Variants in ARHGAP30 observed in about 807,000 individuals in gnomAD.
The protein encoded by ARHGAP30 is Rho GTPase activating protein 30.
A neutral mutation model predicts 72.0 loss-of-function variants in ARHGAP30; 23 were observed. That is an observed-to-expected ratio of 0.32 (90% CI 0.23 to 0.45). ARHGAP30 has a LOEUF of 0.45. Ranked by LOEUF, ARHGAP30 falls within the 20% of genes least tolerant of loss-of-function variation. ARHGAP30 has a pLI of 1.00. For synonymous variants in ARHGAP30, 576 were observed against 528.2 expected, an observed-to-expected ratio of 1.09 and a Z score of -1.24; for missense variants, 1,319 against 1,383.4, an observed-to-expected ratio of 0.95 and a Z score of 0.74.
Position 161,059,628 on chromosome 1 carries a change from G to A in ARHGAP30, c.186C>T (p.Asn62=), listed in dbSNP as rs1652170985. The change falls in exon 2 of 12, where the codon AAC becomes AAT. Residue 62 remains asparagine, a synonymous_variant. Coordinates refer to ENST00000368013, the MANE Select transcript of ARHGAP30 (RefSeq NM_001025598.2). ...GTTTGACTCACCGAAGCTTCTGGAT[G>A]TTGGAGGAGACCCCTGAGAGGCGGT... The part of the protein sequence containing the change: ...GIYRLSGVSS[N]IQKLRQEFES... 12 of 1,613,120 alleles carry A rather than the reference G, an allele frequency of 7.4e-6. No homozygotes were observed. The highest frequency in any genetic ancestry group is 8.5e-6 in the Non-Finnish European group (10 of 1,179,460).
Position 161,048,733 on chromosome 1 carries a change from A to C in ARHGAP30, c.2288T>G (p.Val763Gly), listed in dbSNP as rs1470868382. ...EEDEQREEAQ[V>G]EAGRDLEQGA... ...TTGCTCTAGGTCCCTTCCAGCTTCT[A>C]CCTGGGCTTCCTCTCTTTGTTCATC... is the stretch of plus-strand genomic sequence containing the variant. Residue 763 changes from valine (V) to glycine (G), a missense_variant, in exon 12 of 12, where the codon GTA becomes GGA. Physicochemically the swap from Val to Gly is moderately radical, Grantham distance 109 (BLOSUM62 -3). Transcript: ENST00000368013. 2.5e-6 allele frequency: 4 copies of C among 1,613,410 alleles called. No homozygotes were observed. In the African/African-American group the frequency reaches 4.0e-5, roughly 16 times the overall value.
rs150898288 is a variant in ARHGAP30 at position 161,047,863 on chromosome 1, G to C, written c.3158C>G (p.Pro1053Arg). 6.2e-7 allele frequency: 1 copy of C among 1,611,614 alleles called. No individual in the cohort carries two copies. The highest frequency in any genetic ancestry group is 1.7e-5 in the Admixed American group (1 of 59,486). Residue 1053 changes from proline to arginine, a missense_variant, in exon 12 of 12, where the codon CCA becomes CGA. Physicochemically the swap from Pro to Arg is moderately radical, Grantham distance 103. Around this residue, in one of 2 missense-constraint regions of ARHGAP30, gnomAD observed 1,097 missense variants for 1,045.2 expected, o/e 1.05. Coordinates refer to ENST00000368013, the MANE Select transcript of ARHGAP30 (RefSeq NM_001025598.2). ...TCCAGACCCTTCTGCACCTTCAGATGGGAGCTCCAGGCAGCTAAGGGGCCG... is the reference window on the plus strand; with the variant it reads ...TCCAGACCCTTCTGCACCTTCAGATCGGAGCTCCAGGCAGCTAAGGGGCCG... Reference protein sequence around the residue: ...SPRPLSCLELPSEGAEGSGSR... With the variant: ...SPRPLSCLELRSEGAEGSGSR...
At chr1:161,064,821 AAGAAAGAAAGAGAAAG>A (rs1652610113) in intron 1 of ARHGAP30, among the ~76,000 whole-genome samples, 1 of 71,080 alleles carries the variant, frequency 1.4e-5, no homozygotes, top group Non-Finnish European at 2.8e-5. Context: ...GAAAGAAAGA[AAGAAAGAAAGAGAAAG>A]AAAGAAAGAA....
intron 9 of ARHGAP30, 139 bp downstream of exon 9, chr1:161,052,147 T>C: frequency 1.1e-6 from 1 of 878,332 alleles, no homozygotes; most frequent in Non-Finnish European, 1.8e-6. Context: ...CAGCTACATT[T>C]ACAATGTGGC....
At chr1:161,062,808 C>T (rs1652416845) in intron 1 of ARHGAP30, among the ~76,000 whole-genome samples, 1 of 151,760 alleles carries the variant, frequency 6.6e-6, no homozygotes, top group Non-Finnish European at 1.5e-5. Flanking sequence ...TATAATTCGC[C>T]ACAGTCTTTG....
chr1:161,063,808 C>G (rs570861989), intron 1 of ARHGAP30, among the ~76,000 whole-genome samples: 53 of 152,268 alleles, frequency 3.5e-4, no homozygotes, highest in East Asian at 3.3e-3. Context: ...GAACGCCCCC[C>G]CCACCGGGGC....
intron 1 of ARHGAP30, among the ~76,000 whole-genome samples, chr1:161,067,691 G>C (rs1571131265): frequency 1.3e-5 from 2 of 152,334 alleles, no homozygotes; most frequent in Non-Finnish European, 2.9e-5. Context: ...AAGAGCTGGA[G>C]AGAGGGCTGA....
chr1:161,056,130 G>A (rs1435236404), intron 3 of ARHGAP30, among the ~76,000 whole-genome samples: 2 of 152,042 alleles, frequency 1.3e-5, no homozygotes, highest in South Asian at 2.1e-4. Flanking sequence ...TCACCACTGT[G>A]CTGTGTGCAA....
intron 1 of ARHGAP30, among the ~76,000 whole-genome samples, chr1:161,064,833 GAAA>G (rs1652626826): frequency 6.0e-5 from 4 of 66,912 alleles, no homozygotes; most frequent in African/African-American, 1.1e-4. Context: ...GAAAGAAAGA[GAAA>G]GAAAGAAAGA....
At position 161,048,525 on chromosome 1, in the gene ARHGAP30, C is replaced by T; in HGVS notation, c.2496G>A (p.Gly832=). ...CACTCTCCCGTTCCTTGCTGACCTC[C>T]CCTGCTCCTCCTTCAGTTGCTGCTT... ...SPEAATEGGA[G]EVSKERESGD... is the part of the protein sequence containing the mutation. Residue 832 remains glycine (G), a synonymous_variant, in exon 12 of 12, where the codon GGG becomes GGA. Coordinates refer to ENST00000368013, the MANE Select transcript of ARHGAP30 (RefSeq NM_001025598.2). The T allele has an allele frequency of 6.2e-7, 1 of 1,614,144 alleles. No homozygotes were observed. The highest frequency in any genetic ancestry group is 8.5e-7 in the Non-Finnish European group (1 of 1,180,026).
intron 2 of ARHGAP30, among the ~76,000 whole-genome samples, chr1:161,059,332 GTTT>G (rs1041197985): frequency 9.8e-6 from 1 of 102,158 alleles, no homozygotes; most frequent in Admixed American, 9.9e-5. Context: ...CCTGGCTCAA[GTTT>G]TTTTTTTTTT....
Position 161,050,639 on chromosome 1 carries a change from G to GT in ARHGAP30, c.1420+674dup, listed in dbSNP as rs796144648. Among the ~76,000 whole-genome samples the GT allele has an allele frequency of 3.8e-3, 516 of 135,738 alleles. 2 individuals carry two copies. The highest frequency in any genetic ancestry group is 4.5e-3 in the Non-Finnish European group (273 of 60,948). The allele number at this position is 135,738 out of a possible 152,430, so 89.0% of individuals were successfully genotyped here. A position where few individuals can be genotyped will look rare whatever the true frequency, so the allele number is the denominator to read the frequency against. ...CTTGGTACTTAATAAACTGTTTTTT[G>GT]TTTTTTTTTTTTTAATTTGAGACAG... On this transcript the variant is annotated intron_variant, in intron 10 of 11. Coordinates refer to ENST00000368013, the MANE Select transcript of ARHGAP30 (RefSeq NM_001025598.2).
At chr1:161,055,806 A>G (rs1651779109) in intron 3 of ARHGAP30, among the ~76,000 whole-genome samples, 1 of 47,542 alleles carries the variant, frequency 2.1e-5, no homozygotes, top group Non-Finnish European at 4.5e-5. Context: ...AAATAAAATA[A>G]TAAAATAAAA....
chr1:161,052,543 C>T lies in ARHGAP30; in HGVS notation c.837G>A (p.Lys279=), dbSNP rs1651485682. 1 of 1,613,882 alleles carries T rather than the reference C, an allele frequency of 6.2e-7. No individual in the cohort carries two copies. Among genetic ancestry groups the T allele is most frequent in the African/African-American group, 1.3e-5 (1 of 74,902 alleles). Residue 279 remains lysine (K), a splice_region_variant and synonymous_variant, in exon 8 of 12, where the codon AAG becomes AAA. Transcript: ENST00000368013. The part of the protein sequence containing the change: ...YHTIIEIAEH[K]RKGSLKVRKW... Reference sequence around the variant, plus strand: ...TCCTGACCTTCAAAGACCCCTTCCTCCTACAAAGAATGGAGGGGCATAATT... The same window carrying T: ...TCCTGACCTTCAAAGACCCCTTCCTTCTACAAAGAATGGAGGGGCATAATT...
chr1:161,047,600 A>C lies in ARHGAP30; in HGVS notation c.*115T>G, dbSNP rs1029111918. 1.6e-5 allele frequency: 19 copies of C among 1,178,230 alleles called. No individual in the cohort carries two copies. Among genetic ancestry groups the C allele is most frequent in the Non-Finnish European group, 1.9e-5 (17 of 877,352 alleles). 73.0% of individuals were successfully genotyped at this position (1,178,230 alleles called of 1,614,324 possible). ...GTCAAAGAGAGAAGCTGGAGGGCCA[A>C]AGCCTATAGAGTTGGGCACTACAGC... On this transcript the variant is annotated 3_prime_UTR_variant, in exon 12 of 12. Transcript: ENST00000368013.
At chr1:161,050,038 C>T (rs1651234755) in intron 10 of ARHGAP30, among the ~76,000 whole-genome samples, 1 of 152,110 alleles carries the variant, frequency 6.6e-6, no homozygotes, top group Admixed American at 6.5e-5. Flanking sequence ...AAAATTTGAA[C>T]CCAAGTCTAC....
At chr1:161,055,788 TTAAAATAAAATAAAATAATAAAATAAA>T (rs1651773602) in intron 3 of ARHGAP30, among the ~76,000 whole-genome samples, 2 of 115,356 alleles carry the variant, frequency 1.7e-5, no homozygotes, top group Admixed American at 8.5e-5. Flanking sequence ...CATCTTAAAA[TTAAAATAAAATAAAATAATAAAATAAA>T]ATAAAATAAA....
chr1:161,063,852 G>A (rs1652496504), intron 1 of ARHGAP30, among the ~76,000 whole-genome samples: 2 of 152,196 alleles, frequency 1.3e-5, no homozygotes, highest in Admixed American at 1.3e-4. Context: ...TTGCAGAGGT[G>A]AAATAAACTC....
rs772832587 is a variant in ARHGAP30, at chr1:161,049,222, A to G, written c.1799T>C (p.Val600Ala). The change falls in exon 12 of 12, where the codon GTT becomes GCT. Residue 600 changes from valine (V) to alanine (A), a missense_variant. Val to Ala is a moderately conservative substitution (Grantham distance 64, BLOSUM62 0). This residue lies in a region of ARHGAP30 where 1,097 missense variants were observed against 1,045.2 expected (regional missense o/e 1.05). Coordinates refer to ENST00000368013, the MANE Select transcript of ARHGAP30 (RefSeq NM_001025598.2). ...AACTTCCTCCCCATTTTCCTCCTCA[A>G]CTTCAGGCCTGGGGCCAGCGGAGTC... ...SLDSAGPRPE[V>A]EEENGEEVFL... is the part of the protein sequence containing the mutation. 2 of 1,614,000 alleles carry G rather than the reference A, an allele frequency of 1.2e-6. No individual in the cohort carries two copies. The highest frequency in any genetic ancestry group is 8.5e-7 in the Non-Finnish European group (1 of 1,179,958).
Sources: allele counts gnomAD v4.1 joint callset (sites outside exome capture counted in the v4.1 genomes callset), GRCh38; gene constraint gnomAD v4.1.1; regional missense constraint gnomAD v4.1.1; transcripts MANE v1.5; gene names NCBI Gene and HGNC (gene_info 2026-07-23, HGNC 2026-07-21).